The following ASPG variants were observed in gnomAD, a reference collection of about 807,000 sequenced individuals.
ASPG encodes the protein 60 kDa lysophospholipase.
ASPG carries 53 observed loss-of-function variants against 63.2 expected under a neutral mutation model. The observed-to-expected ratio is 0.84, with a 90% CI of 0.67 to 1.05. ASPG has a LOEUF of 1.05. Among genes scored for constraint, ASPG ranks in the 50% least tolerant of loss-of-function variants. The pLI is 0.00. For missense variants in ASPG, 741 were observed against 794.4 expected, an observed-to-expected ratio of 0.93 and a Z score of 0.81; for synonymous variants, 370 against 355.0, an observed-to-expected ratio of 1.04 and a Z score of -0.48.
At chr14:104,090,074 T>C (rs1436369907) in intron 1 of ASPG, among the ~76,000 whole-genome samples, 1 of 151,956 alleles carries the variant, frequency 6.6e-6, no homozygotes, top group Admixed American at 6.5e-5. Flanking sequence ...CCCAAAATTC[T>C]GGGATTACAG....
In ASPG at chr14:104,112,869, T is replaced by C. The variant is rs1277928834; in HGVS notation, c.*325T>C. The C allele has an allele frequency of 4.6e-6, 2 of 436,720 alleles. No individual in the cohort carries two copies. Among genetic ancestry groups the C allele is most frequent in the African/African-American group, 2.0e-5 (1 of 49,868 alleles). 27.1% of individuals were successfully genotyped at this position (436,720 alleles called of 1,614,324 possible). The stretch of plus-strand genomic sequence containing the variant: ...TGTGAGCTGGGCAGGGTGGGGTGCA[T>C]GGACGTGACTTGGCCAAGTGGTCCT... On this transcript the variant is annotated 3_prime_UTR_variant, in exon 16 of 16. Coordinates refer to ENST00000551177, the MANE Select transcript of ASPG (RefSeq NM_001080464.3).
intron 5 of ASPG, among the ~76,000 whole-genome samples, chr14:104,097,972 C>T (rs972993164): frequency 1.0e-4 from 13 of 129,590 alleles, no homozygotes; most frequent in South Asian, 2.7e-4. Context: ...GGAGGTTCTG[C>T]GTTAGAGATG....
Position 104,091,719 on chromosome 14 carries a change from A to C in ASPG, c.83-914A>C, listed in dbSNP as rs1415543113. Among the ~76,000 whole-genome samples, 1 of 150,784 alleles carries C rather than the reference A, an allele frequency of 6.6e-6. No homozygotes were observed. Among genetic ancestry groups the C allele is most frequent in the Non-Finnish European group, 1.5e-5 (1 of 67,740 alleles). ...TTTGGGGTTAATTTGTGAGCCAGTG[A>C]TAGGCGATGGGTACAGCTGCAGAGG... On this transcript the variant is annotated intron_variant, in intron 1 of 15. Transcript: ENST00000551177. This position sits in a 1 kb window ranked among gnomAD's most constrained non-coding sequence, Gnocchi z 6.4.
Position 104,091,864 on chromosome 14 carries a change from G to T in ASPG, c.83-769G>T, listed in dbSNP as rs957683088. On this transcript the variant is annotated intron_variant, in intron 1 of 15. Transcript: ENST00000551177. The surrounding 1 kb of genome is among the most constrained non-coding windows in gnomAD (Gnocchi z 6.4). Reference sequence around the variant, plus strand: ...TGGGACTTGCTGGAGGCCCTGGAGGGGTGGCTGAGGGGTCAGGGCTTTATA... The same window carrying T: ...TGGGACTTGCTGGAGGCCCTGGAGGTGTGGCTGAGGGGTCAGGGCTTTATA... Among the ~76,000 whole-genome samples, 20 of 152,100 alleles carry T rather than the reference G, an allele frequency of 1.3e-4. No homozygotes were observed. The highest frequency in any genetic ancestry group is 4.2e-4 in the South Asian group (2 of 4,812).
At chr14:104,111,460 C>T in intron 13 of ASPG, 42 bp from the exon 14 acceptor site, 2 of 1,488,730 alleles carry the variant, frequency 1.3e-6, no homozygotes. Flanking sequence ...TGGACAGGTG[C>T]CCAGCAGGCC....
chr14:104,111,027 T>G (rs1468951554), intron 13 of ASPG: 1 of 985,312 alleles, frequency 1.0e-6, no homozygotes, highest in African/African-American at 1.7e-5. Context: ...CTGGGCTGCC[T>G]CAAACTTTCC....
intron 5 of ASPG, among the ~76,000 whole-genome samples, chr14:104,098,648 G>A (rs1194957558): frequency 6.6e-6 from 1 of 152,062 alleles, no homozygotes; most frequent in Admixed American, 6.5e-5. Context: ...GCTCCGGTTA[G>A]CCCACGGGTA....
rs1047161570 is a variant in ASPG, at chr14:104,109,875, G to A, written c.1520+560G>A. The A allele has an allele frequency of 1.1e-6, 1 of 878,722 alleles. No individual in the cohort carries two copies. Among genetic ancestry groups the A allele is most frequent in the Non-Finnish European group, 1.4e-6 (1 of 732,710 alleles). The allele number at this position is 878,722 out of a possible 1,614,324, so 54.4% of individuals were successfully genotyped here. On this transcript the variant is annotated intron_variant, in intron 13 of 15. Coordinates refer to ENST00000551177, the MANE Select transcript of ASPG (RefSeq NM_001080464.3). The surrounding 1 kb of genome is among the most constrained non-coding windows in gnomAD (Gnocchi z 4.8). ...GTGTGCCTTCCGATCTCATGCTGCC[G>A]AGTGACCACCGAGGCAGGCTCAGGC...
chr14:104,104,262 C>T (rs1419507829), intron 7 of ASPG, 42 bp from the exon 8 acceptor site: 10 of 1,574,942 alleles, frequency 6.3e-6, no homozygotes, highest in Non-Finnish European at 8.6e-6. Context: ...GTGCTGAGGG[C>T]AGAGACCCTC....
At chr14:104,093,643 GGGTGGGGCT>G (rs1477219575) in intron 3 of ASPG, 41 bp downstream of exon 3, 1 of 1,001,464 alleles carries the variant, frequency 1.0e-6, no homozygotes, top group South Asian at 2.6e-5. Context: ...TGTGGTGTGT[GGGTGGGGCT>G]GAGGTGTGTG....
chr14:104,087,330 C>G (rs1223287878), intron 1 of ASPG, among the ~76,000 whole-genome samples: 1 of 152,230 alleles, frequency 6.6e-6, no homozygotes, highest in Admixed American at 6.5e-5. Flanking sequence ...TTGGCCCTCA[C>G]AAGCTAGAGA....
rs755924263 is a variant in ASPG at position 104,091,347 on chromosome 14, C to G, written c.83-1286C>G. On this transcript the variant is annotated intron_variant, in intron 1 of 15. Coordinates refer to ENST00000551177, the MANE Select transcript of ASPG (RefSeq NM_001080464.3). This position sits in a 1 kb window ranked among gnomAD's most constrained non-coding sequence, Gnocchi z 6.4. ...CGGCAGCCCGTGTCCTGGCTGTGCT[C>G]TGGGCGCCTCGGAGGGCAGACGGGC... Among the ~76,000 whole-genome samples the G allele has an allele frequency of 6.6e-6, 1 of 152,126 alleles. No homozygotes were observed. The highest frequency in any genetic ancestry group is 1.5e-5 in the Non-Finnish European group (1 of 68,026).
intron 12 of ASPG, among the ~76,000 whole-genome samples, chr14:104,108,089 G>A (rs1268221894): frequency 2.6e-5 from 4 of 152,184 alleles, no homozygotes; most frequent in South Asian, 2.1e-4. Context: ...TGACCCTGAC[G>A]TGTTCAGTTG....
chr14:104,112,192 G>A (rs1407421293), intron 15 of ASPG, among the ~76,000 whole-genome samples, 192 bp downstream of exon 15: 1 of 152,126 alleles, frequency 6.6e-6, no homozygotes, highest in East Asian at 1.9e-4. Context: ...GTGAGGAGAA[G>A]GAGAAAGGAG....
Position 104,111,971 on chromosome 14 carries a change from G to A in ASPG, c.1672G>A (p.Gly558Ser), listed in dbSNP as rs370784475. The A allele has an allele frequency of 1.9e-6, 3 of 1,556,396 alleles. No individual in the cohort carries two copies. The highest frequency in any genetic ancestry group is 2.6e-6 in the Non-Finnish European group (3 of 1,149,802). Residue 558 changes from glycine to serine, a missense_variant, in exon 15 of 16, where the codon GGT (glycine) becomes AGT (serine). Physicochemically the swap from Gly to Ser is moderately conservative, Grantham distance 56. Coordinates refer to ENST00000551177, the MANE Select transcript of ASPG (RefSeq NM_001080464.3). ...AVVAFLQSLE[G>S]AVGAQAPCPE... ...GGTGGCCTTTCTACAGAGCCTGGAG[G>A]GTGCGGTTGGTGCCCAGGCCCCATG... is the stretch of plus-strand genomic sequence containing the variant.
chr14:104,107,356 T>C lies in ASPG; in HGVS notation c.1433+11T>C, dbSNP rs2037181690. The C allele has an allele frequency of 6.5e-7, 1 of 1,536,536 alleles. No individual in the cohort carries two copies. The highest frequency in any genetic ancestry group is 8.8e-7 in the Non-Finnish European group (1 of 1,138,088). ...GGCCGTGCGGGGCAGGTAATGGAGC[T>C]AGGGCTGCACAGAGCTGCCTTGGAC... is the stretch of plus-strand genomic sequence containing the variant. On this transcript the variant is annotated intron_variant, in intron 12 of 15. Transcript: ENST00000551177.
At chr14:104,099,205 C>T (rs1007143352) in intron 6 of ASPG, among the ~76,000 whole-genome samples, 4 of 152,208 alleles carry the variant, frequency 2.6e-5, no homozygotes, top group South Asian at 2.1e-4. Flanking sequence ...CCTGCAGGCT[C>T]AGAGGCGGGA....
At position 104,106,535 on chromosome 14, in the gene ASPG, C is replaced by T. The variant is rs374169881; in HGVS notation, c.1174-264C>T. 3.3e-5 allele frequency among the ~76,000 whole-genome samples: 5 copies of T among 152,200 alleles called. No individual in the cohort carries two copies. The South Asian group carries it at 6.2e-4, about 19-fold the overall frequency. Reference sequence around the variant, plus strand: ...GGGTAGCAGGTACTGGCCACACACCCGTTGGGGACAGGGCTGGATGGTGGT... The same window carrying T: ...GGGTAGCAGGTACTGGCCACACACCTGTTGGGGACAGGGCTGGATGGTGGT... On this transcript the variant is annotated intron_variant, in intron 10 of 15. Transcript: ENST00000551177.
At chr14:104,093,274 C>T (rs1178136181) in intron 2 of ASPG, 1 of 618,616 alleles carries the variant, frequency 1.6e-6, no homozygotes. Flanking sequence ...CTGGGAGTGG[C>T]CCATCCTGAC....
Sources: gnomAD v4.1 joint callset for allele counts (sites outside exome capture counted in the v4.1 genomes callset) on GRCh38, gnomAD v4.1.1 for gene constraint, Gnocchi (gnomAD v3.1) non-coding constraint, MANE v1.5 for transcripts, NCBI Gene and HGNC (gene_info 2026-07-23, HGNC 2026-07-21) for gene names.